DIAPH1: variants seen among roughly 807,000 people sequenced by gnomAD.
The protein encoded by DIAPH1 is protein diaphanous homolog 1.
In DIAPH1, 46 loss-of-function variants were observed where a neutral mutation model predicts 140.7. The ratio of observed to expected loss-of-function variants is 0.33; its 90% confidence interval spans 0.26 to 0.42. The LOEUF (loss-of-function observed/expected upper bound fraction) is 0.42. Ranked by LOEUF, DIAPH1 falls within the 10% of genes least tolerant of loss-of-function variation. The pLI is 1.00. For missense variants in DIAPH1, 1,310 were observed against 1,558.7 expected (o/e 0.84, Z 2.69); for synonymous variants, 565 against 551.6 (o/e 1.02, Z -0.34).
At chr5:141,537,403 A>C (rs2099889200) in intron 18 of DIAPH1, among the ~76,000 whole-genome samples, 1 of 149,314 alleles carries the variant, frequency 6.7e-6, no homozygotes, top group Admixed American at 6.9e-5. Context: ...AAATCGCTTG[A>C]ACCTGGGAGG....
At chr5:141,603,847 G>A (rs2099900524) in intron 1 of DIAPH1, among the ~76,000 whole-genome samples, 1 of 152,126 alleles carries the variant, frequency 6.6e-6, no homozygotes, top group East Asian at 1.9e-4. Flanking sequence ...TTGGGGAAAG[G>A]GAAAAAGTAA....
Position 141,529,231 on chromosome 5 carries a change from G to GCT in DIAPH1, c.2718_2719insAG (p.Leu907SerfsTer5). 6.2e-7 allele frequency: 1 copy of GCT among 1,614,186 alleles called. No individual in the cohort carries two copies. The highest frequency in any genetic ancestry group is 8.5e-7 in the Non-Finnish European group (1 of 1,180,040). On this transcript the variant is annotated frameshift_variant, in exon 21 of 28. Transcript: ENST00000389054. LOFTEE classifies it high-confidence loss of function. ...TCATATTCATCCTTCAGTTCAGAAAGCATTTTTAACTGCTCTGGCTCTGGC... is the reference window on the plus strand; with the variant it reads ...TCATATTCATCCTTCAGTTCAGAAAGCTCATTTTTAACTGCTCTGGCTCTGGC...
chr5:141,521,832 CCTCT>C (rs1373366671), intron 27 of DIAPH1, among the ~76,000 whole-genome samples: 1 of 152,066 alleles, frequency 6.6e-6, no homozygotes, highest in African/African-American at 2.4e-5. Context: ...CTAAGTCCAG[CCTCT>C]CTCTCCTCTT....
intron 12 of DIAPH1, among the ~76,000 whole-genome samples, chr5:141,577,182 T>C (rs950783605): frequency 1.3e-5 from 2 of 152,212 alleles, no homozygotes; most frequent in Admixed American, 6.5e-5. Flanking sequence ...TCCAGGAAAC[T>C]AGAAAGAATT....
chr5:141,614,490 G>A (rs2099902342), intron 1 of DIAPH1, among the ~76,000 whole-genome samples: 1 of 152,056 alleles, frequency 6.6e-6, no homozygotes, highest in African/African-American at 2.4e-5. Context: ...ATTAAATCAT[G>A]TCTCACTATT....
intron 1 of DIAPH1, among the ~76,000 whole-genome samples, chr5:141,598,728 G>A (rs1332162438): frequency 1.3e-5 from 2 of 152,056 alleles, no homozygotes; most frequent in African/African-American, 4.8e-5. Context: ...AGACCCCAAG[G>A]TATTTATTCC....
chr5:141,597,577 C>A (rs2099899516), intron 1 of DIAPH1, among the ~76,000 whole-genome samples: 1 of 152,146 alleles, frequency 6.6e-6, no homozygotes, highest in South Asian at 2.1e-4. Flanking sequence ...TGAAACCTAA[C>A]ACATGAGGAA....
At chr5:141,603,724 A>C (rs1364683725) in intron 1 of DIAPH1, among the ~76,000 whole-genome samples, 2 of 152,242 alleles carry the variant, frequency 1.3e-5, no homozygotes, top group Non-Finnish European at 2.9e-5. Context: ...TTTCCAATAA[A>C]CCTTATTTCC....
rs756608855 is a variant in DIAPH1 at position 141,572,026 on chromosome 5, G to A, written c.2373C>T (p.Asp791=). ...RPNWSKLVAE[D]LSQDCFWTKV... The stretch of plus-strand genomic sequence containing the variant: ...TTGTCCAGAAGCAGTCCTGGGAGAG[G>A]TCCTCAGCCACAAGCTGTGGATAAA... The change falls in exon 17 of 28, where the codon GAC becomes GAT. Residue 791 remains aspartate, a synonymous_variant. Coordinates refer to ENST00000389054, the MANE Select transcript of DIAPH1 (RefSeq NM_005219.5). 6.2e-6 allele frequency: 10 copies of A among 1,613,740 alleles called. No individual in the cohort carries two copies. The Admixed American group carries it at 1.5e-4, about 24-fold the overall frequency.
intron 18 of DIAPH1, among the ~76,000 whole-genome samples, chr5:141,550,663 T>G (rs991648378): frequency 7.9e-5 from 12 of 152,172 alleles, no homozygotes; most frequent in Non-Finnish European, 4.4e-5. Context: ...TTGCCCAGGC[T>G]GGAGTGCAGT....
chr5:141,553,101 C>T (rs2099891990), intron 18 of DIAPH1, among the ~76,000 whole-genome samples: 1 of 151,842 alleles, frequency 6.6e-6, no homozygotes, highest in Non-Finnish European at 1.5e-5. Flanking sequence ...CCAGCCTAGC[C>T]AACACGGTGA....
intron 18 of DIAPH1, chr5:141,563,256 A>G (rs928994702): frequency 3.3e-4 from 50 of 152,326 alleles, no homozygotes; most frequent in African/African-American, 1.1e-3. Context: ...AGATGGCAAG[A>G]AAAGTGCCTC....
chr5:141,537,803 C>T (rs1379169542), intron 18 of DIAPH1, among the ~76,000 whole-genome samples: 1 of 152,076 alleles, frequency 6.6e-6, no homozygotes, highest in Non-Finnish European at 1.5e-5. Flanking sequence ...AGGTTATATA[C>T]GTATATTGTA....
intron 2 of DIAPH1, 60 bp from the exon 3 acceptor site, chr5:141,587,257 A>C: frequency 6.3e-7 from 1 of 1,576,070 alleles, no homozygotes; most frequent in Non-Finnish European, 8.7e-7. Context: ...CAAGCCACAC[A>C]TCAAATTCTT....
intron 10 of DIAPH1, 25 bp from the exon 11 acceptor site, chr5:141,578,368 AG>A (rs1562325654): frequency 6.3e-7 from 1 of 1,594,332 alleles, no homozygotes; most frequent in Non-Finnish European, 8.6e-7. Context: ...AGTAGAAGTC[AG>A]GGAACCCAAA....
At chr5:141,612,217 A>C (rs1036506562) in intron 1 of DIAPH1, among the ~76,000 whole-genome samples, 20 of 152,248 alleles carry the variant, frequency 1.3e-4, no homozygotes, top group African/African-American at 4.1e-4. Flanking sequence ...GTAAAATGAA[A>C]ACAGTTTGGA....
chr5:141,593,902 C>G (rs1055147017), intron 1 of DIAPH1, among the ~76,000 whole-genome samples: 1 of 152,144 alleles, frequency 6.6e-6, no homozygotes, highest in Non-Finnish European at 1.5e-5. Flanking sequence ...TCACTGCAAC[C>G]TTCTTCCAGG....
At position 141,573,517 on chromosome 5, in the gene DIAPH1, T is replaced by G. The variant is rs369255077; in HGVS notation, c.2333A>C (p.Gln778Pro). ...CTTGGACCAGTTTGGCCTCCGGAGC[T>G]GCACCTCTGGCTTATAAAGCTTTTT... ...TPKKLYKPEVQLRRPNWSKLV... is the reference protein window; with the variant it reads ...TPKKLYKPEVPLRRPNWSKLV... Residue 778 changes from glutamine (Q) to proline (P), a missense_variant, in exon 16 of 28, where the codon CAG (glutamine) becomes CCG (proline). Transcript: ENST00000389054. 5 of 1,610,224 alleles carry G rather than the reference T, an allele frequency of 3.1e-6. No homozygotes were observed. The African/African-American group carries it at 6.7e-5, about 22-fold the overall frequency.
In DIAPH1 at chr5:141,613,817, T is replaced by C. The variant is rs901686647; in HGVS notation, c.117+4981A>G. 1.8e-4 allele frequency among the ~76,000 whole-genome samples: 27 copies of C among 152,208 alleles called. 1 individual carries two copies. The highest frequency in any genetic ancestry group is 6.5e-4 in the African/African-American group (27 of 41,452). On this transcript the variant is annotated intron_variant, in intron 1 of 27. Coordinates refer to ENST00000389054, the MANE Select transcript of DIAPH1 (RefSeq NM_005219.5). ...TACAGTAAAATATGTTCATAGTAAT[T>C]ATTCTTTACTTTTCAATTTTAGCTT...
Sources: allele counts gnomAD v4.1 joint callset (sites outside exome capture counted in the v4.1 genomes callset), GRCh38; gene constraint gnomAD v4.1.1; transcripts MANE v1.5; gene names NCBI Gene and HGNC (gene_info 2026-07-23, HGNC 2026-07-21).